The following ZFAT variants were observed in gnomAD, a reference collection of about 807,000 sequenced individuals.
ZFAT encodes the protein zinc finger and AT-hook domain containing.
Under a neutral mutation model 117.7 loss-of-function variants are expected in ZFAT, and 64 were observed. The ratio of observed to expected loss-of-function variants is 0.54; its 90% CI spans 0.44 to 0.67. The LOEUF (loss-of-function observed/expected upper bound fraction) is 0.67, where lower values mean the gene tolerates loss of function less well. Among genes scored for constraint, ZFAT ranks in the 30% least tolerant of loss-of-function variants. The probability of loss-of-function intolerance (pLI) is 0.00; values close to 1 mark genes in which losing one functional copy is unlikely to be tolerated. For synonymous variants in ZFAT, 679 were observed against 615.0 expected, an observed-to-expected ratio of 1.10 and a Z score of -1.54; for missense variants, 1,433 against 1,584.5, an observed-to-expected ratio of 0.90 and a Z score of 1.62.
rs557035022 is a variant in ZFAT at position 134,627,018 on chromosome 8, C to A, written c.448+10443G>T. On this transcript the variant is annotated intron_variant, in intron 3 of 15. Transcript: ENST00000377838. ...CTTCCCAGGAAGAAAGCTCTGCCTG[C>A]ACAAAAGAATCCATAAGACCAGTGG... 2.0e-5 allele frequency among the ~76,000 whole-genome samples: 3 copies of A among 152,262 alleles called. No individual in the cohort carries two copies. The East Asian group carries it at 5.8e-4, about 29-fold the overall frequency.
intron 1 of ZFAT, among the ~76,000 whole-genome samples, chr8:134,707,561 CAAGA>C (rs1243152933): frequency 1.3e-5 from 2 of 149,994 alleles, no homozygotes; most frequent in African/African-American, 4.8e-5. Context: ...TAGAGCCCTA[CAAGA>C]AGTCTTGGGG....
At chr8:134,497,958 G>T (rs2012863) in intron 15 of ZFAT, among the ~76,000 whole-genome samples, 9 of 137,050 alleles carry the variant, frequency 6.6e-5, no homozygotes, top group South Asian at 4.9e-4. Context: ...AGCCTGATTT[G>T]GTAGGGTTGG....
At chr8:134,713,583 CCTCT>C (rs1268141463), upstream of ZFAT, among the ~76,000 whole-genome samples, 1 of 152,138 alleles carries the variant, frequency 6.6e-6, no homozygotes. Flanking sequence ...GCGACTTCCT[CCTCT>C]CTCGTCTCTT....
the ZFAT span, among the ~76,000 whole-genome samples, chr8:134,760,273 G>GAAAAAAAAAAAA: frequency 7.8e-6 from 1 of 128,756 alleles, no homozygotes; most frequent in Non-Finnish European, 1.7e-5. Flanking sequence ...GTCTCAAAAA[G>GAAAAAAAAAAAA]AAAAAAAAAA....
At chr8:134,824,044 G>C in the ZFAT span, among the ~76,000 whole-genome samples, 272 of 152,304 alleles carry the variant, frequency 1.8e-3, 4 homozygotes, top group East Asian at 0.043. Flanking sequence ...TAAACACCAA[G>C]TAGTATGAAT....
At chr8:134,702,079 A>T (rs1834023354) in intron 1 of ZFAT, among the ~76,000 whole-genome samples, 1 of 152,130 alleles carries the variant, frequency 6.6e-6, no homozygotes, top group Non-Finnish European at 1.5e-5. Flanking sequence ...CTTGCCATTG[A>T]TACCCTGTGC....
chr8:134,746,024 A>G, the ZFAT span, among the ~76,000 whole-genome samples: 1 of 152,056 alleles, frequency 6.6e-6, no homozygotes, highest in Non-Finnish European at 1.5e-5. Context: ...TCTGCCTAAT[A>G]CTTTACAAGA....
chr8:134,774,978 CGT>C, the ZFAT span, among the ~76,000 whole-genome samples: 5 of 152,112 alleles, frequency 3.3e-5, no homozygotes, highest in Non-Finnish European at 5.9e-5. Context: ...ATTAGCCAGC[CGT>C]GGTGGCGTAT....
At chr8:134,829,907 T>C in the ZFAT span, among the ~76,000 whole-genome samples, 1 of 152,300 alleles carries the variant, frequency 6.6e-6, no homozygotes, top group African/African-American at 2.4e-5. Context: ...AATATAGAAA[T>C]GTGTGTATAG....
At chr8:134,680,731 A>C (rs972803992) in intron 1 of ZFAT, among the ~76,000 whole-genome samples, 5 of 152,240 alleles carry the variant, frequency 3.3e-5, no homozygotes, top group African/African-American at 1.2e-4. Flanking sequence ...ATAAAAAAAA[A>C]GTTCTAGAGA....
intron 13 of ZFAT, among the ~76,000 whole-genome samples, chr8:134,519,267 CATTA>C (rs1369787735): frequency 6.6e-6 from 1 of 152,046 alleles, no homozygotes; most frequent in Non-Finnish European, 1.5e-5. Flanking sequence ...TGAGTATTCC[CATTA>C]ATTTCCTCAA....
chr8:134,720,951 A>G, the ZFAT span, among the ~76,000 whole-genome samples: 3 of 152,214 alleles, frequency 2.0e-5, no homozygotes, highest in Admixed American at 6.5e-5. Flanking sequence ...ATGAATAAGA[A>G]CCCTCCTCCC....
At chr8:134,747,157 T>A in the ZFAT span, among the ~76,000 whole-genome samples, 50 of 152,232 alleles carry the variant, frequency 3.3e-4, no homozygotes, top group African/African-American at 1.2e-3. Flanking sequence ...GGCATGATCA[T>A]GGCTCACTGC....
chr8:134,714,845 C>T (rs1814187842), upstream of ZFAT, among the ~76,000 whole-genome samples: 1 of 151,844 alleles, frequency 6.6e-6, no homozygotes, highest in Non-Finnish European at 1.5e-5. Context: ...CCCAAACTGC[C>T]CCCCAGGCCT....
chr8:134,723,690 A>G, the ZFAT span: 9 of 152,220 alleles, frequency 5.9e-5, no homozygotes, highest in Admixed American at 6.5e-5. Flanking sequence ...TACTGGGACC[A>G]TGGGGGGCTG....
At chr8:134,809,276 T>G in the ZFAT span, among the ~76,000 whole-genome samples, 56 of 152,226 alleles carry the variant, frequency 3.7e-4, no homozygotes, top group African/African-American at 1.2e-3. Flanking sequence ...CCATCCAAAC[T>G]AGGGGGATGG....
At chr8:134,479,217 T>C (rs976001551) in intron 15 of ZFAT, among the ~76,000 whole-genome samples, 1 of 152,228 alleles carries the variant, frequency 6.6e-6, no homozygotes, top group Non-Finnish European at 1.5e-5. Context: ...AAGATCTGTA[T>C]CACACTAGGA....
the ZFAT span, among the ~76,000 whole-genome samples, chr8:134,724,787 C>T: frequency 2.6e-5 from 4 of 152,060 alleles, no homozygotes; most frequent in Non-Finnish European, 4.4e-5. Context: ...GGGAGAAACT[C>T]GCCTCCCTTC....
At chr8:134,584,357 A>C (rs939106420) in intron 9 of ZFAT, among the ~76,000 whole-genome samples, 1 of 152,210 alleles carries the variant, frequency 6.6e-6, no homozygotes, top group Non-Finnish European at 1.5e-5. Flanking sequence ...TGCACATTAC[A>C]GTGAGTCCTT....
Sources: gnomAD v4.1 joint callset for allele counts (sites outside exome capture counted in the v4.1 genomes callset) on GRCh38, gnomAD v4.1.1 for gene constraint, MANE v1.5 for transcripts, NCBI Gene and HGNC (gene_info 2026-07-23, HGNC 2026-07-21) for gene names.